Variants in ING5 observed in about 807,000 individuals in gnomAD.
ING5 encodes inhibitor of growth protein 5.
ING5 carries 17 observed loss-of-function variants against 37.4 expected under a neutral mutation model. That is an observed-to-expected ratio of 0.45 (90% CI 0.31 to 0.68). ING5 has a LOEUF of 0.68. Among genes scored for constraint, ING5 ranks in the 30% least tolerant of loss-of-function variants. ING5 has a pLI of 0.05. For missense variants in ING5, 233 were observed against 311.9 expected (o/e 0.75, Z 1.91); for synonymous variants, 123 against 116.6 (o/e 1.06, Z -0.36).
In ING5 at chr2:241,718,928, CT is replaced by C. The variant is rs372156480; in HGVS notation, c.483-4010del. Among the ~76,000 whole-genome samples the C allele has an allele frequency of 8.1e-4, 123 of 152,282 alleles. 1 individual carries two copies. The East Asian group carries it at 0.024, about 29-fold the overall frequency. ...CTATTTCCCTGCTGAGGGTACATGT[CT>C]CATGATTTATTAGCTGTCTGACTTT... On this transcript the variant is annotated intron_variant, in intron 5 of 7. Transcript: ENST00000313552.
chr2:241,715,727 T>G (rs1302800594), intron 5 of ING5, among the ~76,000 whole-genome samples: 1 of 152,022 alleles, frequency 6.6e-6, no homozygotes, highest in African/African-American at 2.4e-5. Context: ...CCTCAGGTGA[T>G]CTGCCTGCCT....
Sources: allele counts gnomAD v4.1 joint callset (sites outside exome capture counted in the v4.1 genomes callset), GRCh38; gene constraint gnomAD v4.1.1; transcripts MANE v1.5; gene names NCBI Gene and HGNC (gene_info 2026-07-23, HGNC 2026-07-21).